SCYL2: variants seen among roughly 807,000 people sequenced by gnomAD.
The protein encoded by SCYL2 is SCY1-like protein 2.
A neutral mutation model predicts 100.4 loss-of-function variants in SCYL2; 36 were observed. That is an observed-to-expected ratio of 0.36 (90% CI 0.27 to 0.47). The LOEUF (loss-of-function observed/expected upper bound fraction) is 0.47, where lower values mean the gene tolerates loss of function less well. Ranked by LOEUF, SCYL2 falls within the 20% of genes least tolerant of loss-of-function variation. The pLI, the probability that SCYL2 is intolerant of heterozygous loss-of-function variation, is 1.00. For missense variants in SCYL2, 902 were observed against 1,083.9 expected, an observed-to-expected ratio of 0.83 and a Z score of 2.36; for synonymous variants, 330 against 359.2, an observed-to-expected ratio of 0.92 and a Z score of 0.92.
intron 11 of SCYL2, among the ~76,000 whole-genome samples, chr12:100,325,164 C>T (rs1328012983): frequency 1.3e-5 from 2 of 152,082 alleles, no homozygotes; most frequent in East Asian, 1.9e-4. Context: ...GCTGCTCCTT[C>T]CAGTCTAGGT....
intron 1 of SCYL2, among the ~76,000 whole-genome samples, chr12:100,272,945 T>C (rs1461561228): frequency 6.6e-6 from 1 of 152,178 alleles, no homozygotes; most frequent in African/African-American, 2.4e-5. Context: ...TTACCCACCA[T>C]CTCTTCTCTA....
chr12:100,273,855 A>G (rs2096289981), intron 1 of SCYL2, among the ~76,000 whole-genome samples: 1 of 152,208 alleles, frequency 6.6e-6, no homozygotes. Context: ...GAGTCCCTAA[A>G]AAGAAGAACC....
intron 2 of SCYL2, among the ~76,000 whole-genome samples, chr12:100,289,185 G>A (rs2096307772): frequency 6.6e-6 from 1 of 152,168 alleles, no homozygotes; most frequent in African/African-American, 2.4e-5. Context: ...GTAATGATCA[G>A]GAGTTAAGAT....
intron 11 of SCYL2, 80 bp downstream of exon 11, chr12:100,323,718 T>A (rs1258018106): frequency 1.4e-6 from 1 of 725,352 alleles, no homozygotes; most frequent in Non-Finnish European, 2.3e-6. Context: ...TTAATAACCC[T>A]TTTATAGATT....
At chr12:100,310,578 A>C (rs2135898106) in intron 4 of SCYL2, among the ~76,000 whole-genome samples, 1 of 152,348 alleles carries the variant, frequency 6.6e-6, no homozygotes, top group Middle Eastern at 3.4e-3. Flanking sequence ...ACCAAATATT[A>C]ATCCACTGTG....
intron 1 of SCYL2, among the ~76,000 whole-genome samples, chr12:100,269,563 C>T (rs1421799947): frequency 1.3e-5 from 2 of 152,108 alleles, no homozygotes; most frequent in Non-Finnish European, 2.9e-5. Context: ...TTGTACTAAA[C>T]ATTTTATCTT....
chr12:100,314,172 C>T (rs917389692), intron 7 of SCYL2, among the ~76,000 whole-genome samples: 2 of 152,214 alleles, frequency 1.3e-5, no homozygotes, highest in African/African-American at 2.4e-5. Flanking sequence ...GCCACCGTGC[C>T]CGGGCCAACC....
At chr12:100,311,583 C>CT (rs1211208409) in intron 5 of SCYL2, among the ~76,000 whole-genome samples, 2 of 152,148 alleles carry the variant, frequency 1.3e-5, no homozygotes, top group Non-Finnish European at 2.9e-5. Flanking sequence ...TTTCCACACA[C>CT]TTTCTCTGTA....
chr12:100,301,863 G>A (rs1019017766), intron 4 of SCYL2, among the ~76,000 whole-genome samples: 2 of 152,194 alleles, frequency 1.3e-5, no homozygotes, highest in African/African-American at 2.4e-5. Context: ...CACCACAGCT[G>A]GGAATGTGCT....
chr12:100,316,813 C>A (rs1330225208), intron 9 of SCYL2, among the ~76,000 whole-genome samples: 1 of 152,164 alleles, frequency 6.6e-6, no homozygotes, highest in African/African-American at 2.4e-5. Context: ...GTTAAAAATA[C>A]CTTTTGGGCC....
At chr12:100,321,014 G>GACCTCCC (rs1201075999) in intron 10 of SCYL2, among the ~76,000 whole-genome samples, 1 of 152,126 alleles carries the variant, frequency 6.6e-6, no homozygotes, top group Non-Finnish European at 1.5e-5. Context: ...CTGTGGCCTT[G>GACCTCCC]ACCTCCCACG....
At chr12:100,294,463 A>T (rs2096315434) in intron 3 of SCYL2, among the ~76,000 whole-genome samples, 1 of 102,898 alleles carries the variant, frequency 9.7e-6, no homozygotes, top group East Asian at 3.3e-4. Flanking sequence ...GCGGCCGGGC[A>T]GAGGCGCCCC....
intron 13 of SCYL2, among the ~76,000 whole-genome samples, chr12:100,330,301 T>C (rs1242909613): frequency 6.6e-6 from 1 of 152,132 alleles, no homozygotes; most frequent in Non-Finnish European, 1.5e-5. Context: ...TGGTAAATGT[T>C]TGAGTAAAGG....
intron 5 of SCYL2, among the ~76,000 whole-genome samples, chr12:100,312,042 G>A (rs1246281672): frequency 6.6e-6 from 1 of 152,134 alleles, no homozygotes; most frequent in Non-Finnish European, 1.5e-5. Flanking sequence ...TTGTTTAATC[G>A]TTACTACAAT....
At chr12:100,323,455 A>G in intron 10 of SCYL2, 70 bp from the exon 11 acceptor site, 3 of 937,792 alleles carry the variant, frequency 3.2e-6, no homozygotes, top group South Asian at 3.0e-5. Context: ...ATGCAAATGC[A>G]AAACTTTGTA....
chr12:100,324,871 T>G (rs1360054287), intron 11 of SCYL2, among the ~76,000 whole-genome samples: 1 of 152,214 alleles, frequency 6.6e-6, no homozygotes, highest in African/African-American at 2.4e-5. Flanking sequence ...TTTAAAGATC[T>G]TACAATCATA....
At chr12:100,308,953 C>A (rs781644867) in intron 4 of SCYL2, among the ~76,000 whole-genome samples, 2 of 152,170 alleles carry the variant, frequency 1.3e-5, no homozygotes, top group African/African-American at 4.8e-5. Context: ...CTATGCTGTA[C>A]ATCCCCAGTA....
At chr12:100,297,126 G>A (rs568729658) in intron 3 of SCYL2, among the ~76,000 whole-genome samples, 1 of 152,300 alleles carries the variant, frequency 6.6e-6, no homozygotes, top group South Asian at 2.1e-4. Flanking sequence ...AAGGCCTAAA[G>A]TGTTAGGGCT....
At chr12:100,315,239 G>A (rs1298152759) in intron 8 of SCYL2, among the ~76,000 whole-genome samples, 1 of 152,204 alleles carries the variant, frequency 6.6e-6, no homozygotes, top group Non-Finnish European at 1.5e-5. Context: ...TAGTGTTTAT[G>A]TTGTGTGGTA....
Sources: gnomAD v4.1 joint callset for allele counts (sites outside exome capture counted in the v4.1 genomes callset) on GRCh38, gnomAD v4.1.1 for gene constraint, MANE v1.5 for transcripts, NCBI Gene and HGNC (gene_info 2026-07-23, HGNC 2026-07-21) for gene names.